The following TFB2M variants were observed in gnomAD, a reference collection of about 807,000 sequenced individuals.
TFB2M encodes transcription factor B2, mitochondrial, also known as dimethyladenosine transferase 2, mitochondrial.
Under a neutral mutation model 41.3 loss-of-function variants are expected in TFB2M, and 44 were observed. The ratio of observed to expected loss-of-function variants is 1.07; its 90% CI spans 0.84 to 1.37. The LOEUF is 1.37. TFB2M is among the 40% of genes most tolerant of loss of function. The pLI is 0.00. For missense variants in TFB2M, 496 were observed against 490.2 expected (o/e 1.01, Z -0.11); for synonymous variants, 188 against 176.8 (o/e 1.06, Z -0.50).
chr1:246,564,453 G>GA lies in TFB2M; in HGVS notation c.314-20dup. ...CCAGGACCTGGCACATTAACAGAAC[G>GA]AAAAGTTTATTTGTACAAGAAACAT... On this transcript the variant is annotated intron_variant, in intron 1 of 7. Coordinates refer to ENST00000366514, the MANE Select transcript of TFB2M (RefSeq NM_022366.3). The GA allele has an allele frequency of 6.2e-7, 1 of 1,607,638 alleles. No individual in the cohort carries two copies. Among genetic ancestry groups the GA allele is most frequent in the South Asian group, 1.1e-5 (1 of 90,752 alleles).
chr1:246,564,044 C>T (rs530707425), intron 2 of TFB2M, among the ~76,000 whole-genome samples: 1 of 152,310 alleles, frequency 6.6e-6, no homozygotes, highest in African/African-American at 2.4e-5. Context: ...GAGCACAGCG[C>T]AGCTTAGTAG....
chr1:246,554,946 A>C (rs1318571003), intron 4 of TFB2M, among the ~76,000 whole-genome samples: 1 of 152,228 alleles, frequency 6.6e-6, no homozygotes, highest in Non-Finnish European at 1.5e-5. Context: ...ATATTTGTAA[A>C]TCATGTATGA....
intron 7 of TFB2M, 136 bp downstream of exon 7, chr1:246,544,385 A>C: frequency 1.3e-6 from 1 of 797,282 alleles, no homozygotes; most frequent in Non-Finnish European, 2.0e-6. Flanking sequence ...CAGGGAGAAC[A>C]AATTATTTTG....
chr1:246,549,459 G>C (rs947516249), intron 5 of TFB2M, among the ~76,000 whole-genome samples: 11 of 151,702 alleles, frequency 7.3e-5, no homozygotes, highest in African/African-American at 2.7e-4. Flanking sequence ...GTGTATGCCT[G>C]CAGTCCCAGC....
chr1:246,544,699 T>G lies in TFB2M; in HGVS notation c.859-18A>C, dbSNP rs771511936. 1 of 1,576,550 alleles carries G rather than the reference T, an allele frequency of 6.3e-7. No homozygotes were observed. The highest frequency in any genetic ancestry group is 2.3e-5 in the East Asian group (1 of 44,034). On this transcript the variant is annotated intron_variant, in intron 6 of 7. Coordinates refer to ENST00000366514, the MANE Select transcript of TFB2M (RefSeq NM_022366.3). ...AATAATTCCTGGAGAGAAGAAAAAA[T>G]GAATTGCATTAGTCACAAAATATTG...
At position 246,565,995 on chromosome 1, in the gene TFB2M, A is replaced by G. The variant is rs772022170; in HGVS notation, c.144T>C (p.Ser48=). The G allele has an allele frequency of 6.2e-7, 1 of 1,614,054 alleles. No homozygotes were observed. The highest frequency in any genetic ancestry group is 1.7e-5 in the Admixed American group (1 of 60,000). ...AATCCGGTTCGGGCCACAGCTGCGG[A>G]GAGGAGTCAGAGAGCCCACAGTGGT... is the stretch of plus-strand genomic sequence containing the variant. The part of the protein sequence containing the change: ...ARNHCGLSDS[S]PQLWPEPDFR... The change falls in exon 1 of 8, where the codon TCT becomes TCC. Residue 48 remains serine, a synonymous_variant. Transcript: ENST00000366514.
At position 246,557,514 on chromosome 1, in the gene TFB2M, A is replaced by C. The variant is rs1659355293; in HGVS notation, c.423T>G (p.Asp141Glu). 1 of 1,607,020 alleles carries C rather than the reference A, an allele frequency of 6.2e-7. No individual in the cohort carries two copies. The highest frequency in any genetic ancestry group is 8.5e-7 in the Non-Finnish European group (1 of 1,177,860). ...PHLESLGKNLDGKLRVIHCDF... is the reference protein window; with the variant it reads ...PHLESLGKNLEGKLRVIHCDF... The stretch of plus-strand genomic sequence containing the variant: ...CACAGTGAATCACTCGTAGTTTTCC[A>C]TCCAGATTTTTTCCTAAGGACTAAA... The change falls in exon 3 of 8, where the codon GAT (aspartate) becomes GAG (glutamate). Residue 141 changes from aspartate to glutamate, a missense_variant. Asp to Glu is a conservative substitution (Grantham distance 45). Transcript: ENST00000366514.
chr1:246,551,395 C>A, intron 4 of TFB2M, 93 bp from the exon 5 acceptor site: 2 of 868,006 alleles, frequency 2.3e-6, no homozygotes, highest in South Asian at 1.5e-5. Flanking sequence ...TTAATGGCAT[C>A]TAGACATTTA....
chr1:246,542,050 C>T (rs1658872144), intron 7 of TFB2M, among the ~76,000 whole-genome samples: 1 of 152,058 alleles, frequency 6.6e-6, no homozygotes, highest in African/African-American at 2.4e-5. Flanking sequence ...TAGCCTATTG[C>T]TCCAAGGATA....
intron 1 of TFB2M, among the ~76,000 whole-genome samples, chr1:246,565,256 G>A (rs78835304): frequency 0.019 from 2,906 of 152,312 alleles, 103 homozygotes; most frequent in African/African-American, 0.066. Context: ...TTTTCAGCTG[G>A]CAGAGGCTTG....
At chr1:246,544,763 C>G in intron 6 of TFB2M, 82 bp from the exon 7 acceptor site, 2 of 1,255,148 alleles carry the variant, frequency 1.6e-6, no homozygotes, top group Non-Finnish European at 2.2e-6. Flanking sequence ...TTCAAGCTAT[C>G]TGCTGAAAGA....
chr1:246,553,861 A>C (rs1223395513), intron 4 of TFB2M, among the ~76,000 whole-genome samples: 1 of 152,244 alleles, frequency 6.6e-6, no homozygotes, highest in East Asian at 1.9e-4. Context: ...CCTAAAATCC[A>C]TATAGAATCT....
chr1:246,546,221 G>A (rs1416782478), intron 6 of TFB2M, among the ~76,000 whole-genome samples: 1 of 151,714 alleles, frequency 6.6e-6, no homozygotes, highest in Non-Finnish European at 1.5e-5. Context: ...TGAGGTGGGA[G>A]GATCACTTGA....
At chr1:246,544,496 A>AC (rs1343079058) in intron 7 of TFB2M, 25 bp downstream of exon 7, 1 of 1,568,208 alleles carries the variant, frequency 6.4e-7, no homozygotes, top group South Asian at 1.2e-5. Flanking sequence ...GCTACTTTAT[A>AC]CTTGCTTTTA....
At position 246,557,597 on chromosome 1, in the gene TFB2M, C is replaced by CA. The variant is rs1329690088; in HGVS notation, c.403-64dup. ...GCATTAAGTATACTTTGCAGCAATT[C>CA]AAAAAACTCTACTTCAAAAAACCAT... On this transcript the variant is annotated intron_variant, in intron 2 of 7. Coordinates refer to ENST00000366514, the MANE Select transcript of TFB2M (RefSeq NM_022366.3). 3.1e-6 allele frequency: 4 copies of CA among 1,300,742 alleles called. No individual in the cohort carries two copies. The African/African-American group carries it at 4.6e-5, about 15-fold the overall frequency. 80.6% of individuals were successfully genotyped at this position (1,300,742 alleles called of 1,614,324 possible). A position where few individuals can be genotyped will look rare whatever the true frequency, so the allele number is the denominator to read the frequency against.
intron 2 of TFB2M, among the ~76,000 whole-genome samples, chr1:246,557,885 A>G (rs1223556134): frequency 1.3e-5 from 2 of 152,004 alleles, no homozygotes; most frequent in Non-Finnish European, 2.9e-5. Flanking sequence ...TGGCCAGGAG[A>G]GCCTCAATCT....
At chr1:246,557,334 C>T (rs375404506) in intron 3 of TFB2M, 47 bp downstream of exon 3, 2 of 1,578,860 alleles carry the variant, frequency 1.3e-6, no homozygotes, top group South Asian at 2.3e-5. Context: ...CTGCTAGAGA[C>T]ACCTGGCAAA....
intron 2 of TFB2M, 124 bp downstream of exon 2, chr1:246,564,222 T>A: frequency 1.3e-6 from 1 of 759,410 alleles, no homozygotes; most frequent in Non-Finnish European, 2.2e-6. Context: ...ATAAACAAGA[T>A]ATTTCAGAGA....
rs772411674 is a variant in TFB2M, at chr1:246,548,617, A to G, written c.796-10T>C. 1 of 1,610,048 alleles carries G rather than the reference A, an allele frequency of 6.2e-7. No homozygotes were observed. The highest frequency in any genetic ancestry group is 8.5e-7 in the Non-Finnish European group (1 of 1,178,940). ...ATGATGACCAAGGCTCCTGGGGAAG[A>G]AAAACAAAGCAAAACAACATCTTTT... On this transcript the variant is annotated splice_polypyrimidine_tract_variant and intron_variant, in intron 5 of 7. Transcript: ENST00000366514.
Sources: allele counts gnomAD v4.1 joint callset (sites outside exome capture counted in the v4.1 genomes callset), GRCh38; gene constraint gnomAD v4.1.1; transcripts MANE v1.5; gene names NCBI Gene and HGNC (gene_info 2026-07-23, HGNC 2026-07-21).